ARID3B: variants seen among roughly 807,000 people sequenced by gnomAD.
ARID3B encodes the protein AT-rich interactive domain-containing protein 3B.
Under a neutral mutation model 51.9 loss-of-function variants are expected in ARID3B, and 10 were observed. That is an observed-to-expected ratio of 0.19 (90% CI 0.12 to 0.33). The LOEUF (loss-of-function observed/expected upper bound fraction) is 0.33. Among genes scored for constraint, ARID3B ranks in the 10% least tolerant of loss-of-function variants. The probability of loss-of-function intolerance (pLI) is 1.00; values close to 1 mark genes in which losing one functional copy is unlikely to be tolerated. For missense variants in ARID3B, 483 were observed against 716.3 expected, an observed-to-expected ratio of 0.67 and a Z score of 3.72; for synonymous variants, 205 against 279.5, an observed-to-expected ratio of 0.73 and a Z score of 2.66.
intron 2 of ARID3B, among the ~76,000 whole-genome samples, chr15:74,544,984 CT>C (rs1252496799): frequency 1.3e-5 from 2 of 152,188 alleles, no homozygotes; most frequent in Admixed American, 1.3e-4. Flanking sequence ...GCCACCGCCC[CT>C]GGCCTGTATG....
At chr15:74,552,219 G>A (rs928206349) in intron 2 of ARID3B, among the ~76,000 whole-genome samples, 57 of 141,440 alleles carry the variant, frequency 4.0e-4, no homozygotes, top group African/African-American at 1.2e-3. Context: ...ATGCCACCAC[G>A]CCCAGCTAAT....
chr15:74,589,264 C>T (rs1355757845), intron 4 of ARID3B, among the ~76,000 whole-genome samples: 1 of 151,846 alleles, frequency 6.6e-6, no homozygotes, highest in Non-Finnish European at 1.5e-5. Context: ...CTCCTGACCT[C>T]GTGATCTGCC....
intron 2 of ARID3B, among the ~76,000 whole-genome samples, chr15:74,546,161 C>T (rs887353344): frequency 1.3e-5 from 2 of 152,246 alleles, no homozygotes; most frequent in African/African-American, 4.8e-5. Context: ...AGAATCCCAA[C>T]TTCCACGACA....
intron 4 of ARID3B, among the ~76,000 whole-genome samples, chr15:74,589,227 C>T (rs1392807998): frequency 7.3e-5 from 11 of 151,594 alleles, no homozygotes; most frequent in South Asian, 4.2e-4. Context: ...GACGGGGTTT[C>T]GCCATGTTAG....
At chr15:74,553,518 T>A (rs2061645433) in intron 2 of ARID3B, among the ~76,000 whole-genome samples, 1 of 152,244 alleles carries the variant, frequency 6.6e-6, no homozygotes, top group African/African-American at 2.4e-5. Context: ...TTTAATTGCT[T>A]CTTCAACTCA....
chr15:74,547,952 T>C (rs2061622080), intron 2 of ARID3B, among the ~76,000 whole-genome samples: 1 of 152,210 alleles, frequency 6.6e-6, no homozygotes, highest in Non-Finnish European at 1.5e-5. Flanking sequence ...ACTTAGAACA[T>C]GTAAAGTCAA....
chr15:74,546,328 C>G (rs906607200), intron 2 of ARID3B, among the ~76,000 whole-genome samples: 1 of 152,030 alleles, frequency 6.6e-6, no homozygotes, highest in African/African-American at 2.4e-5. Flanking sequence ...GCCCTGACAG[C>G]GCTGGGAAAG....
chr15:74,562,553 T>C (rs1385959856), intron 2 of ARID3B, among the ~76,000 whole-genome samples: 1 of 152,154 alleles, frequency 6.6e-6, no homozygotes, highest in Non-Finnish European at 1.5e-5. Flanking sequence ...GTGGTGTGAT[T>C]GCTGCTCACT....
chr15:74,563,074 TG>T (rs1156906606), intron 2 of ARID3B, among the ~76,000 whole-genome samples: 1 of 152,256 alleles, frequency 6.6e-6, no homozygotes, highest in Non-Finnish European at 1.5e-5. Flanking sequence ...TTATTCCCGT[TG>T]GCTTGTTCTT....
intron 2 of ARID3B, among the ~76,000 whole-genome samples, chr15:74,546,579 T>C (rs980744184): frequency 1.3e-5 from 2 of 152,234 alleles, no homozygotes; most frequent in Non-Finnish European, 2.9e-5. Context: ...CAGCATCATG[T>C]TATCTAGATG....
intron 2 of ARID3B, among the ~76,000 whole-genome samples, chr15:74,559,239 T>C (rs1035273955): frequency 6.6e-6 from 1 of 152,238 alleles, no homozygotes; most frequent in African/African-American, 2.4e-5. Context: ...CACTGATTGC[T>C]ACCATTTTGT....
chr15:74,544,358 T>C lies in ARID3B; in HGVS notation c.422T>C (p.Leu141Pro). 6.2e-7 allele frequency: 1 copy of C among 1,612,908 alleles called. No individual in the cohort carries two copies. Among genetic ancestry groups the C allele is most frequent in the Non-Finnish European group, 8.5e-7 (1 of 1,179,328 alleles). Residue 141 changes from leucine to proline, a missense_variant, in exon 2 of 9, where the codon CTT becomes CCT. By Grantham distance (98) the Leu-to-Pro change is moderately conservative. Coordinates refer to ENST00000346246, the MANE Select transcript of ARID3B (RefSeq NM_006465.4). ...AGAGTGGCACCCATGTCCAATCTACTTCCAGCACCAGGGCTCCCACCACAT... is the reference window on the plus strand; with the variant it reads ...AGAGTGGCACCCATGTCCAATCTACCTCCAGCACCAGGGCTCCCACCACAT... ...DPRVAPMSNL[L>P]PAPGLPPHGQ...
intron 2 of ARID3B, 58 bp downstream of exon 2, chr15:74,544,546 T>C: frequency 1.3e-6 from 2 of 1,551,694 alleles, no homozygotes; most frequent in Non-Finnish European, 1.7e-6. Flanking sequence ...AGAGGGGTCA[T>C]GGACTGACAG....
At chr15:74,552,993 T>C (rs893020327) in intron 2 of ARID3B, among the ~76,000 whole-genome samples, 4 of 152,194 alleles carry the variant, frequency 2.6e-5, no homozygotes, top group Non-Finnish European at 5.9e-5. Context: ...ATTTTTAGCT[T>C]TCTAAGAAAC....
At chr15:74,547,927 C>T (rs1419388598) in intron 2 of ARID3B, among the ~76,000 whole-genome samples, 1 of 152,196 alleles carries the variant, frequency 6.6e-6, no homozygotes, top group African/African-American at 2.4e-5. Flanking sequence ...TTATTCTTTG[C>T]ATCTGAAATC....
At position 74,597,263 on chromosome 15, in the gene ARID3B, C is replaced by T; in HGVS notation, c.*1489C>T. 1 of 383,294 alleles carries T rather than the reference C, an allele frequency of 2.6e-6. No homozygotes were observed. Among genetic ancestry groups the T allele is most frequent in the Non-Finnish European group, 4.9e-6 (1 of 205,494 alleles). The allele number at this position is 383,294 out of a possible 1,614,324, so 23.7% of individuals were successfully genotyped here. A position where few individuals can be genotyped will look rare whatever the true frequency, so the allele number is the denominator to read the frequency against. ...AGAAAATTGATTCGCTTGCGGCTCA[C>T]CTCAGTCGAGGAAGCCCTGGAATGT... is the stretch of plus-strand genomic sequence containing the variant. On this transcript the variant is annotated 3_prime_UTR_variant, in exon 9 of 9. Transcript: ENST00000346246.
At chr15:74,555,355 GGTCTCACTC>G (rs2061653791) in intron 2 of ARID3B, among the ~76,000 whole-genome samples, 1 of 151,742 alleles carries the variant, frequency 6.6e-6, no homozygotes, top group Non-Finnish European at 1.5e-5. Flanking sequence ...TTTGAAGCAG[GGTCTCACTC>G]TTTCACCCAG....
chr15:74,558,822 C>G (rs1414187388), intron 2 of ARID3B, among the ~76,000 whole-genome samples: 1 of 152,032 alleles, frequency 6.6e-6, no homozygotes, highest in African/African-American at 2.4e-5. Context: ...TCCCATGTGC[C>G]TTGGATGGTG....
chr15:74,544,880 C>T (rs957178094), intron 2 of ARID3B, among the ~76,000 whole-genome samples: 5 of 151,998 alleles, frequency 3.3e-5, no homozygotes, highest in Non-Finnish European at 4.4e-5. Flanking sequence ...TTAGCAGAGA[C>T]GGGGTTTCAC....
Sources: gnomAD v4.1 joint callset for allele counts (sites outside exome capture counted in the v4.1 genomes callset) on GRCh38, gnomAD v4.1.1 for gene constraint, MANE v1.5 for transcripts, NCBI Gene and HGNC (gene_info 2026-07-23, HGNC 2026-07-21) for gene names.